The following ADCY3 variants were observed in gnomAD, a reference collection of about 807,000 sequenced individuals.
ADCY3 encodes adenylate cyclase 3, also known as adenylate cyclase type 3.
ADCY3 carries 70 observed loss-of-function variants against 119.4 expected under a neutral mutation model. The ratio of observed to expected loss-of-function variants is 0.59; its 90% confidence interval spans 0.48 to 0.72. The LOEUF is 0.72. Among genes scored for constraint, ADCY3 ranks in the 30% least tolerant of loss-of-function variants. The probability of loss-of-function intolerance (pLI) is 0.00; values close to 1 mark genes in which losing one functional copy is unlikely to be tolerated. For missense variants in ADCY3, 1,238 were observed against 1,541.6 expected (o/e 0.80, Z 3.30); for synonymous variants, 672 against 621.4 (o/e 1.08, Z -1.21).
chr2:24,836,711 C>A (rs2148528813), intron 9 of ADCY3, among the ~76,000 whole-genome samples: 1 of 152,312 alleles, frequency 6.6e-6, no homozygotes, highest in Non-Finnish European at 1.5e-5. Flanking sequence ...ACCTTACTCA[C>A]CCCGGCATGT....
intron 13 of ADCY3, among the ~76,000 whole-genome samples, chr2:24,829,490 G>A (rs1192492749): frequency 1.5e-5 from 2 of 132,878 alleles, no homozygotes; most frequent in African/African-American, 2.9e-5. Context: ...GCACAATCTC[G>A]GCTCACTGCA....
chr2:24,821,050 C>T (rs544274474), intron 20 of ADCY3: 5 of 658,314 alleles, frequency 7.6e-6, no homozygotes, highest in East Asian at 3.0e-5. Context: ...AGCCGCCACC[C>T]CCCCCCCATA....
chr2:24,886,733 G>A (rs552338864), intron 2 of ADCY3, among the ~76,000 whole-genome samples: 16 of 152,354 alleles, frequency 1.1e-4, no homozygotes, highest in South Asian at 6.2e-4. Context: ...AGCTGGTTCC[G>A]GGCGATGCCC....
At chr2:24,850,068 G>A (rs1293683380) in intron 3 of ADCY3, among the ~76,000 whole-genome samples, 1 of 151,856 alleles carries the variant, frequency 6.6e-6, no homozygotes, top group African/African-American at 2.4e-5. Context: ...TGCTTCTGGT[G>A]TCACTCTCTG....
intron 9 of ADCY3, 62 bp downstream of exon 9, chr2:24,836,855 G>C: frequency 6.5e-7 from 1 of 1,548,108 alleles, no homozygotes; most frequent in Admixed American, 1.9e-5. Context: ...GGAACGTATT[G>C]CTTCCTGGTG....
intron 3 of ADCY3, among the ~76,000 whole-genome samples, chr2:24,855,579 G>A (rs1672901267): frequency 6.6e-6 from 1 of 152,170 alleles, no homozygotes; most frequent in Non-Finnish European, 1.5e-5. Context: ...AGTCCTTGAT[G>A]GTTATCCTAA....
At chr2:24,875,324 G>A (rs915284550) in intron 2 of ADCY3, among the ~76,000 whole-genome samples, 1 of 152,236 alleles carries the variant, frequency 6.6e-6, no homozygotes, top group East Asian at 1.9e-4. Flanking sequence ...TACAAGGCCT[G>A]CAGGGAGCTT....
At chr2:24,900,577 A>G (rs1024887668) in intron 2 of ADCY3, among the ~76,000 whole-genome samples, 3 of 151,980 alleles carry the variant, frequency 2.0e-5, no homozygotes, top group African/African-American at 7.2e-5. Context: ...GTCCTGAGCA[A>G]TGCGCTTTAG....
At chr2:24,912,585 GCATGTGTGTGTGTGTGTGCA>G (rs1663889215) in intron 2 of ADCY3, among the ~76,000 whole-genome samples, 3 of 40,124 alleles carry the variant, frequency 7.5e-5, no homozygotes, top group African/African-American at 8.9e-4. Flanking sequence ...GTGTGTGTGT[GCATGTGTGTGTGTGTGTGCA>G]TGTGTGTGTG....
Position 24,834,963 on chromosome 2 carries a change from G to A in ADCY3, c.1663-27C>T. 1 of 1,608,496 alleles carries A rather than the reference G, an allele frequency of 6.2e-7. No individual in the cohort carries two copies. The highest frequency in any genetic ancestry group is 8.5e-7 in the Non-Finnish European group (1 of 1,178,090). ...TGTGAGCCAGGGAGGCAGCGTGAGT[G>A]GGGCAGATGGGACAGAGTGGTGGGG... On this transcript the variant is annotated intron_variant, in intron 9 of 21. Coordinates refer to ENST00000679454, the MANE Select transcript of ADCY3 (RefSeq NM_004036.5). This position sits in a 1 kb window ranked among gnomAD's most constrained non-coding sequence, Gnocchi z 4.2.
chr2:24,872,491 C>G lies in ADCY3; in HGVS notation c.825+79G>C. The G allele has an allele frequency of 6.5e-7, 1 of 1,528,086 alleles. No homozygotes were observed. Among genetic ancestry groups the G allele is most frequent in the Non-Finnish European group, 8.8e-7 (1 of 1,130,726 alleles). 94.7% of individuals were successfully genotyped at this position (1,528,086 alleles called of 1,614,324 possible). A position where few individuals can be genotyped will look rare whatever the true frequency, so the allele number is the denominator to read the frequency against. ...CAAGCCCCACGGAGCCAGGGGCTGCCGCTCTGGTTCCTCTCCCTCTGACAA... is the reference window on the plus strand; with the variant it reads ...CAAGCCCCACGGAGCCAGGGGCTGCGGCTCTGGTTCCTCTCCCTCTGACAA... On this transcript the variant is annotated intron_variant, in intron 3 of 21. Transcript: ENST00000679454. The surrounding 1 kb of genome is among the most constrained non-coding windows in gnomAD (Gnocchi z 4.4).
chr2:24,905,443 T>C (rs936632261), intron 2 of ADCY3, among the ~76,000 whole-genome samples: 5 of 152,212 alleles, frequency 3.3e-5, no homozygotes, highest in African/African-American at 1.2e-4. Flanking sequence ...CGTTTTTACA[T>C]TTTTTAAGAC....
chr2:24,896,599 G>A (rs986628142), intron 2 of ADCY3, among the ~76,000 whole-genome samples: 6 of 152,070 alleles, frequency 3.9e-5, no homozygotes, highest in African/African-American at 1.4e-4. Flanking sequence ...GGACTCCAGT[G>A]AACCCTGGTC....
chr2:24,845,372 T>A (rs1376684012), intron 3 of ADCY3, among the ~76,000 whole-genome samples: 4 of 152,128 alleles, frequency 2.6e-5, no homozygotes, highest in Non-Finnish European at 5.9e-5. Flanking sequence ...AACAATAAGG[T>A]CCAGGCTGAG....
intron 7 of ADCY3, 51 bp from the exon 8 acceptor site, chr2:24,838,673 A>G: frequency 6.2e-7 from 1 of 1,606,908 alleles, no homozygotes; most frequent in Non-Finnish European, 8.5e-7. Flanking sequence ...TGGCCCTCAC[A>G]CCCCCAGGGG....
intron 2 of ADCY3, among the ~76,000 whole-genome samples, chr2:24,902,657 T>C (rs1679041496): frequency 6.6e-6 from 1 of 152,034 alleles, no homozygotes; most frequent in Non-Finnish European, 1.5e-5. Context: ...CCCTTCTCTT[T>C]CTCCTCCTCC....
At chr2:24,874,103 T>C (rs1265207300) in intron 2 of ADCY3, among the ~76,000 whole-genome samples, 1 of 152,198 alleles carries the variant, frequency 6.6e-6, no homozygotes. Context: ...GTGTTGTGTT[T>C]CATCAGAGCT....
rs77445198 is a variant in ADCY3, at chr2:24,834,826, G to A, written c.1773C>T (p.Asn591=). ...EDEHELNQLL[N]EALLERESAQ... is the part of the protein sequence containing the mutation. ...CGGACTCTCGCTCAAGCAGGGCCTC[G>A]TTGAGCAGCTGGTTGAGCTCGTGCT... The change falls in exon 10 of 22, where the codon AAC becomes AAT. Residue 591 remains asparagine (N), a synonymous_variant. Transcript: ENST00000679454. The surrounding 1 kb of genome is among the most constrained non-coding windows in gnomAD (Gnocchi z 4.2). 4.5e-5 allele frequency: 73 copies of A among 1,613,814 alleles called. No individual in the cohort carries two copies. In the Middle Eastern group the frequency reaches 6.6e-4, roughly 15 times the overall value.
At position 24,885,493 on chromosome 2, in the gene ADCY3, C is replaced by T. The variant is rs553787739; in HGVS notation, c.676-12774G>A. Reference sequence around the variant, plus strand: ...CAGGTCCTCAGTAACATTGGCTGAACGCCTGAACCAGCGCCAGCCTGCTCT... The same window carrying T: ...CAGGTCCTCAGTAACATTGGCTGAATGCCTGAACCAGCGCCAGCCTGCTCT... On this transcript the variant is annotated intron_variant, in intron 2 of 21. Coordinates refer to ENST00000679454, the MANE Select transcript of ADCY3 (RefSeq NM_004036.5). 2.0e-5 allele frequency among the ~76,000 whole-genome samples: 3 copies of T among 152,318 alleles called. No individual in the cohort carries two copies. In the South Asian group the frequency reaches 6.2e-4, roughly 32 times the overall value.
Sources: allele counts gnomAD v4.1 joint callset (sites outside exome capture counted in the v4.1 genomes callset), GRCh38; gene constraint gnomAD v4.1.1; non-coding constraint Gnocchi (gnomAD v3.1); transcripts MANE v1.5; gene names NCBI Gene and HGNC (gene_info 2026-07-23, HGNC 2026-07-21).